The following DLG2 variants were observed in gnomAD, a reference collection of about 807,000 sequenced individuals.
The protein encoded by DLG2 is disks large homolog 2.
Under a neutral mutation model 132.5 loss-of-function variants are expected in DLG2, and 45 were observed. The observed-to-expected ratio is 0.34, with a 90% CI of 0.27 to 0.44. The LOEUF (loss-of-function observed/expected upper bound fraction) is 0.44. Among genes scored for constraint, DLG2 ranks in the 20% least tolerant of loss-of-function variants. The pLI, the probability that DLG2 is intolerant of heterozygous loss-of-function variation, is 1.00. For missense variants in DLG2, 1,045 were observed against 1,196.9 expected (o/e 0.87, Z 1.87); for synonymous variants, 424 against 419.6 (o/e 1.01, Z -0.13).
chr11:85,314,138 C>T (rs774131308), intron 3 of DLG2, among the ~76,000 whole-genome samples: 48 of 152,012 alleles, frequency 3.2e-4, no homozygotes, highest in Non-Finnish European at 6.3e-4. Flanking sequence ...ATACAATATG[C>T]CAAGCTCTGT....
intron 4 of DLG2, among the ~76,000 whole-genome samples, chr11:85,236,295 C>T (rs938359781): frequency 6.6e-6 from 1 of 152,024 alleles, no homozygotes; most frequent in Non-Finnish European, 1.5e-5. Context: ...ACATCACAGA[C>T]TGGGTAGCTT....
At chr11:83,747,804 T>C (rs889730630) in intron 18 of DLG2, among the ~76,000 whole-genome samples, 5 of 151,924 alleles carry the variant, frequency 3.3e-5, no homozygotes, top group African/African-American at 7.2e-5. Flanking sequence ...TTAAGTAATA[T>C]AAACAAAAAT....
At chr11:84,913,431 T>C (rs1425702695) in intron 6 of DLG2, among the ~76,000 whole-genome samples, 1 of 152,204 alleles carries the variant, frequency 6.6e-6, no homozygotes, top group Non-Finnish European at 1.5e-5. Flanking sequence ...CTTTCTAACC[T>C]CTGCTGAAAA....
intron 3 of DLG2, among the ~76,000 whole-genome samples, chr11:85,339,346 T>C (rs2152855471): frequency 6.6e-6 from 1 of 152,338 alleles, no homozygotes. Flanking sequence ...TTTTGTTTTA[T>C]TGGAGTTATC....
At chr11:84,476,591 A>G (rs2099122253) in intron 7 of DLG2, among the ~76,000 whole-genome samples, 1 of 152,214 alleles carries the variant, frequency 6.6e-6, no homozygotes, top group Admixed American at 6.5e-5. Flanking sequence ...GTTCAAGAAA[A>G]AATAAAGCAA....
At position 84,410,960 on chromosome 11, in the gene DLG2, T is replaced by C. The variant is rs1306101903; in HGVS notation, c.519+123610A>G. ...GTTACTTATTGTCTTTTATGTAGAATATCATTTTCCTGTTCATTGTGCTTT... is the reference window on the plus strand; with the variant it reads ...GTTACTTATTGTCTTTTATGTAGAACATCATTTTCCTGTTCATTGTGCTTT... On this transcript the variant is annotated intron_variant, in intron 7 of 27. Coordinates refer to ENST00000376104, the MANE Select transcript of DLG2 (RefSeq NM_001142699.3). Among the ~76,000 whole-genome samples, 4 of 152,220 alleles carry C rather than the reference T, an allele frequency of 2.6e-5. No individual in the cohort carries two copies. In the East Asian group the frequency reaches 7.7e-4, roughly 29 times the overall value.
chr11:84,989,131 T>C (rs1304842429), intron 6 of DLG2, among the ~76,000 whole-genome samples: 1 of 152,124 alleles, frequency 6.6e-6, no homozygotes, highest in Non-Finnish European at 1.5e-5. Flanking sequence ...ACAAAACATA[T>C]ACAGGACTTG....
intron 6 of DLG2, among the ~76,000 whole-genome samples, chr11:85,035,122 A>AGG (rs2061341894): frequency 6.6e-6 from 1 of 152,154 alleles, no homozygotes; most frequent in Non-Finnish European, 1.5e-5. Context: ...CTGGTGTTTC[A>AGG]GCCAATGGCC....
chr11:85,493,285 T>A (rs1247621367), intron 3 of DLG2, among the ~76,000 whole-genome samples: 1 of 152,198 alleles, frequency 6.6e-6, no homozygotes, highest in African/African-American at 2.4e-5. Context: ...AACTACACTA[T>A]ACTCCAACCA....
intron 17 of DLG2, among the ~76,000 whole-genome samples, chr11:83,827,331 T>C (rs974220609): frequency 6.6e-6 from 1 of 152,164 alleles, no homozygotes; most frequent in African/African-American, 2.4e-5. Flanking sequence ...TTTAATTAAC[T>C]TGAAAATAGA....
At chr11:83,548,831 C>G (rs1249706968) in intron 19 of DLG2, among the ~76,000 whole-genome samples, 2 of 152,094 alleles carry the variant, frequency 1.3e-5, no homozygotes, top group African/African-American at 4.8e-5. Context: ...AATTGCAAAT[C>G]ACTCTGCTCT....
intron 3 of DLG2, among the ~76,000 whole-genome samples, chr11:85,432,049 T>A (rs1036557057): frequency 5.3e-5 from 8 of 152,094 alleles, no homozygotes; most frequent in Non-Finnish European, 1.0e-4. Context: ...TGGAGCGAAC[T>A]CCCAGCAAAC....
intron 7 of DLG2, among the ~76,000 whole-genome samples, chr11:84,417,167 GC>G (rs1271869892): frequency 6.6e-6 from 1 of 152,198 alleles, no homozygotes; most frequent in African/African-American, 2.4e-5. Flanking sequence ...ATGGAGATAT[GC>G]TGTGGTTTAG....
intron 6 of DLG2, among the ~76,000 whole-genome samples, chr11:84,593,910 A>G (rs887385192): frequency 1.3e-5 from 2 of 152,268 alleles, no homozygotes; most frequent in Non-Finnish European, 2.9e-5. Context: ...TATTCAACAA[A>G]GAAACCTGTT....
intron 8 of DLG2, among the ~76,000 whole-genome samples, chr11:84,193,461 G>T (rs1188878072): frequency 6.6e-6 from 1 of 152,324 alleles, no homozygotes; most frequent in African/African-American, 2.4e-5. Context: ...TGTGAAAACA[G>T]TGCTTAGAAG....
At chr11:85,390,286 G>T (rs1219580516) in intron 3 of DLG2, among the ~76,000 whole-genome samples, 1 of 151,960 alleles carries the variant, frequency 6.6e-6, no homozygotes, top group African/African-American at 2.4e-5. Flanking sequence ...AAAAGGACTA[G>T]TCCAACAGGA....
chr11:83,783,182 G>T (rs1200924252), intron 18 of DLG2, among the ~76,000 whole-genome samples: 1 of 152,078 alleles, frequency 6.6e-6, no homozygotes, highest in Non-Finnish European at 1.5e-5. Context: ...CATCATATAT[G>T]ACTCTTCAAA....
At chr11:84,585,295 C>T (rs1182998802) in intron 6 of DLG2, among the ~76,000 whole-genome samples, 1 of 152,084 alleles carries the variant, frequency 6.6e-6, no homozygotes, top group Non-Finnish European at 1.5e-5. Flanking sequence ...GAAATTGAGG[C>T]ATGAATAGGT....
rs2099299377 is a variant in DLG2, at chr11:84,521,319, T to G, written c.519+13251A>C. On this transcript the variant is annotated intron_variant, in intron 7 of 27. Transcript: ENST00000376104. ...AGTGAACCTCTGTGATCTGCTGAGT[T>G]GAGAACACCTGTTGTTTACTTTTCT... Among the ~76,000 whole-genome samples the G allele has an allele frequency of 3.3e-5, 5 of 152,204 alleles. No individual in the cohort carries two copies. In the South Asian group the frequency reaches 8.3e-4, roughly 25 times the overall value.
Sources: allele counts gnomAD v4.1 joint callset (sites outside exome capture counted in the v4.1 genomes callset), GRCh38; gene constraint gnomAD v4.1.1; transcripts MANE v1.5; gene names NCBI Gene and HGNC (gene_info 2026-07-23, HGNC 2026-07-21).